PCCA: variants seen among roughly 807,000 people sequenced by gnomAD.
PCCA encodes the protein propionyl-CoA carboxylase alpha chain, mitochondrial.
A neutral mutation model predicts 101.3 loss-of-function variants in PCCA; 74 were observed. The observed-to-expected ratio is 0.73, with a 90% CI of 0.61 to 0.89. The LOEUF (loss-of-function observed/expected upper bound fraction) is 0.89. PCCA is among the 40% of genes least tolerant of loss of function. PCCA has a pLI of 0.00. For missense variants in PCCA, 891 were observed against 907.0 expected, an observed-to-expected ratio of 0.98 and a Z score of 0.23; for synonymous variants, 294 against 313.6, an observed-to-expected ratio of 0.94 and a Z score of 0.66.
At chr13:100,192,115 C>CATAAA (rs2057782745) in intron 6 of PCCA, among the ~76,000 whole-genome samples, 2 of 152,134 alleles carry the variant, frequency 1.3e-5, no homozygotes, top group African/African-American at 4.8e-5. Flanking sequence ...ATTATTTATG[C>CATAAA]AGTTGATAAT....
At chr13:100,174,672 G>T (rs1360623762) in intron 6 of PCCA, among the ~76,000 whole-genome samples, 1 of 145,932 alleles carries the variant, frequency 6.9e-6, no homozygotes, top group Non-Finnish European at 1.5e-5. Context: ...AGGTTGCAGT[G>T]AGCCAAGATT....
chr13:100,495,311 C>A (rs1447161637), intron 21 of PCCA, among the ~76,000 whole-genome samples: 2 of 152,098 alleles, frequency 1.3e-5, no homozygotes, highest in Non-Finnish European at 2.9e-5. Context: ...GTCTCGTAGC[C>A]CCTATAGCTA....
At chr13:100,310,523 A>G (rs1045794929) in intron 16 of PCCA, among the ~76,000 whole-genome samples, 1 of 152,202 alleles carries the variant, frequency 6.6e-6, no homozygotes, top group Non-Finnish European at 1.5e-5. Flanking sequence ...AAACTGTGAT[A>G]TAATACGACA....
At chr13:100,493,372 C>G (rs1244763204) in intron 21 of PCCA, among the ~76,000 whole-genome samples, 3 of 152,214 alleles carry the variant, frequency 2.0e-5, no homozygotes, top group African/African-American at 7.2e-5. Context: ...CCCCACCAAG[C>G]TGATGCCTGA....
intron 12 of PCCA, among the ~76,000 whole-genome samples, chr13:100,283,439 A>G (rs551342416): frequency 2.0e-5 from 3 of 152,318 alleles, no homozygotes; most frequent in South Asian, 2.1e-4. Flanking sequence ...GATGTCCGCC[A>G]TAACTCAGGG....
intron 22 of PCCA, among the ~76,000 whole-genome samples, chr13:100,523,967 CCT>C (rs1027825575): frequency 6.6e-6 from 1 of 152,230 alleles, no homozygotes; most frequent in African/African-American, 2.4e-5. Flanking sequence ...GGTGGAGGGC[CCT>C]CTCTGTGCAC....
chr13:100,133,629 C>T (rs1242700257), intron 4 of PCCA, among the ~76,000 whole-genome samples: 1 of 151,672 alleles, frequency 6.6e-6, no homozygotes, highest in Non-Finnish European at 1.5e-5. Context: ...CAACACCATT[C>T]ATTGAAAATA....
At chr13:100,393,105 G>T (rs2254579) in intron 19 of PCCA, among the ~76,000 whole-genome samples, 1 of 151,934 alleles carries the variant, frequency 6.6e-6, no homozygotes, top group Admixed American at 6.6e-5. Context: ...ATGTTGAAAA[G>T]AAAATGTTGA....
chr13:100,121,492 T>C (rs914871114), intron 4 of PCCA, among the ~76,000 whole-genome samples: 1 of 144,556 alleles, frequency 6.9e-6, no homozygotes, highest in African/African-American at 2.6e-5. Context: ...TTTTCTCTCT[T>C]GAGACCGAGT....
intron 8 of PCCA, among the ~76,000 whole-genome samples, chr13:100,247,748 T>G (rs1368876494): frequency 6.6e-6 from 1 of 150,968 alleles, no homozygotes; most frequent in African/African-American, 2.4e-5. Context: ...ACTCCTAACC[T>G]TAAGTAATCC....
At chr13:100,269,786 C>T (rs551946422) in intron 11 of PCCA, among the ~76,000 whole-genome samples, 5 of 152,148 alleles carry the variant, frequency 3.3e-5, no homozygotes, top group South Asian at 4.2e-4. Flanking sequence ...TTTTTAATCC[C>T]GGAGTAATGG....
At chr13:100,366,776 A>C (rs989090954) in intron 18 of PCCA, among the ~76,000 whole-genome samples, 4 of 151,738 alleles carry the variant, frequency 2.6e-5, no homozygotes, top group Non-Finnish European at 5.9e-5. Context: ...TACAGTGTGC[A>C]TTATTGTTGA....
At position 100,209,418 on chromosome 13, in the gene PCCA, G is replaced by T; in HGVS notation, c.555G>T (p.Lys185Asn). The change falls in exon 7 of 24, where the codon AAG becomes AAT. Residue 185 changes from lysine to asparagine, a missense_variant. By Grantham distance (94) the Lys-to-Asn change is moderately conservative. Transcript: ENST00000376285. The part of the protein sequence containing the change: ...GDKIESKLLA[K>N]KAEVNTIPGF... ...AGATTGAAAGCAAATTATTAGCTAA[G>T]AAAGCAGAGGTTAATACAATCCCTG... 1 of 1,613,580 alleles carries T rather than the reference G, an allele frequency of 6.2e-7. No individual in the cohort carries two copies. The highest frequency in any genetic ancestry group is 2.2e-5 in the East Asian group (1 of 44,856).
intron 21 of PCCA, among the ~76,000 whole-genome samples, chr13:100,466,962 A>C (rs1241024789): frequency 6.6e-6 from 1 of 152,210 alleles, no homozygotes; most frequent in East Asian, 1.9e-4. Context: ...GAGTGACTGT[A>C]AAGTAGGTTG....
intron 7 of PCCA, among the ~76,000 whole-genome samples, chr13:100,219,439 G>A (rs922235229): frequency 3.9e-5 from 6 of 152,160 alleles, no homozygotes; most frequent in South Asian, 2.1e-4. Context: ...CTGTTTACAC[G>A]GGAGATTTTT....
chr13:100,126,467 C>T (rs745715538), intron 4 of PCCA, among the ~76,000 whole-genome samples: 4 of 151,652 alleles, frequency 2.6e-5, no homozygotes, highest in Non-Finnish European at 4.4e-5. Flanking sequence ...TAATATTTAA[C>T]ACATGAACTA....
chr13:100,465,605 A>T (rs2082455599), intron 21 of PCCA, among the ~76,000 whole-genome samples: 1 of 152,244 alleles, frequency 6.6e-6, no homozygotes, highest in Non-Finnish European at 1.5e-5. Context: ...CTGTTTGGGC[A>T]GTATTAACAT....
At chr13:100,176,612 G>A (rs72658520) in intron 6 of PCCA, among the ~76,000 whole-genome samples, 7,555 of 152,190 alleles carry the variant, frequency 0.05, 272 homozygotes, top group Non-Finnish European at 0.081. Flanking sequence ...AAAAGTGAGT[G>A]AATTTATGAC....
At chr13:100,193,985 G>A (rs1040442804) in intron 6 of PCCA, among the ~76,000 whole-genome samples, 1 of 151,894 alleles carries the variant, frequency 6.6e-6, no homozygotes, top group African/African-American at 2.4e-5. Flanking sequence ...GCAGGAAAAC[G>A]GCACAAACCT....
Sources: allele counts gnomAD v4.1 joint callset (sites outside exome capture counted in the v4.1 genomes callset), GRCh38; gene constraint gnomAD v4.1.1; transcripts MANE v1.5; gene names NCBI Gene and HGNC (gene_info 2026-07-23, HGNC 2026-07-21).